ATP9B: variants seen among roughly 807,000 people sequenced by gnomAD.
ATP9B encodes the protein ATPase phospholipid transporting 9B.
Under a neutral mutation model 146.1 loss-of-function variants are expected in ATP9B, and 110 were observed. That is an observed-to-expected ratio of 0.75 (90% confidence interval 0.65 to 0.88). The LOEUF is 0.88. ATP9B is among the 40% of genes least tolerant of loss of function. The probability of loss-of-function intolerance (pLI) is 0.00; values close to 1 mark genes in which losing one functional copy is unlikely to be tolerated. For synonymous variants in ATP9B, 604 were observed against 569.7 expected, an observed-to-expected ratio of 1.06 and a Z score of -0.86; for missense variants, 1,499 against 1,496.4, an observed-to-expected ratio of 1.00 and a Z score of -0.03.
intron 26 of ATP9B, among the ~76,000 whole-genome samples, chr18:79,365,177 C>T (rs1217160370): frequency 6.6e-6 from 1 of 152,066 alleles, no homozygotes; most frequent in Non-Finnish European, 1.5e-5. Context: ...AGAGAACAAC[C>T]CAGTTTTTAA....
At chr18:79,148,405 A>G (rs1361048236) in intron 6 of ATP9B, among the ~76,000 whole-genome samples, 1 of 152,176 alleles carries the variant, frequency 6.6e-6, no homozygotes, top group Non-Finnish European at 1.5e-5. Context: ...ATACATCACA[A>G]CCCAGTACAG....
chr18:79,078,568 T>G (rs2072885516), intron 1 of ATP9B, among the ~76,000 whole-genome samples: 1 of 118,022 alleles, frequency 8.5e-6, no homozygotes, highest in South Asian at 2.4e-4. Context: ...ATTTACTCTT[T>G]TTTATTTTAA....
At chr18:79,255,435 C>T (rs1042004957) in intron 12 of ATP9B, among the ~76,000 whole-genome samples, 5 of 152,232 alleles carry the variant, frequency 3.3e-5, no homozygotes, top group Admixed American at 2.0e-4. Flanking sequence ...TTTGATGCCA[C>T]CCACTCCCCA....
chr18:79,106,146 TTGA>T (rs1272279505), intron 2 of ATP9B, among the ~76,000 whole-genome samples: 10 of 152,212 alleles, frequency 6.6e-5, no homozygotes, highest in African/African-American at 2.2e-4. Flanking sequence ...TCAGCTGGAC[TTGA>T]TGATGTAAGG....
chr18:79,354,661 C>G (rs892012113), intron 25 of ATP9B: 1 of 151,564 alleles, frequency 6.6e-6, no homozygotes, highest in Non-Finnish European at 1.5e-5. Context: ...ATGGGTTCCT[C>G]CCTGCTCCTT....
At chr18:79,146,031 C>A in intron 6 of ATP9B, 1 of 117,194 alleles carries the variant, frequency 8.5e-6, no homozygotes, top group Non-Finnish European at 1.6e-5. Context: ...AGCTGCATGT[C>A]GGGGGAGCTG....
At chr18:79,157,410 A>AAAAAAACAAAC (rs1600014727) in intron 7 of ATP9B, among the ~76,000 whole-genome samples, 2 of 145,896 alleles carry the variant, frequency 1.4e-5, no homozygotes, top group Non-Finnish European at 3.1e-5. Context: ...AAAAAAAAAA[A>AAAAAAACAAAC]AAAAAAAAAA....
chr18:79,084,735 T>C (rs2073639630), intron 1 of ATP9B, among the ~76,000 whole-genome samples: 1 of 152,226 alleles, frequency 6.6e-6, no homozygotes, highest in African/African-American at 2.4e-5. Context: ...TGCTCTTATG[T>C]ATAAATAATT....
intron 13 of ATP9B, among the ~76,000 whole-genome samples, chr18:79,296,862 A>C (rs1401394378): frequency 1.3e-5 from 2 of 152,206 alleles, no homozygotes; most frequent in East Asian, 3.8e-4. Flanking sequence ...TCAGCAGCTA[A>C]AGACCCAGAG....
intron 6 of ATP9B, among the ~76,000 whole-genome samples, chr18:79,153,826 T>C (rs980143074): frequency 6.6e-6 from 1 of 151,978 alleles, no homozygotes; most frequent in East Asian, 1.9e-4. Context: ...TTTTAAACTT[T>C]TTGTAGAGGT....
chr18:79,084,203 GTCAGTGTTTGAACATGT>G (rs1374157823), intron 1 of ATP9B, among the ~76,000 whole-genome samples: 1 of 151,498 alleles, frequency 6.6e-6, no homozygotes, highest in Non-Finnish European at 1.5e-5. Flanking sequence ...ACTCACCAAA[GTCAGTGTTTGAACATGT>G]TCATCATGTC....
intron 1 of ATP9B, among the ~76,000 whole-genome samples, chr18:79,094,867 GGTT>G (rs1184819636): frequency 6.6e-6 from 1 of 152,150 alleles, no homozygotes; most frequent in Non-Finnish European, 1.5e-5. Context: ...AAATATGACA[GGTT>G]GTGATCAGAA....
chr18:79,303,593 C>T lies in ATP9B; in HGVS notation c.1412-11C>T, dbSNP rs747948441. 6.2e-7 allele frequency: 1 copy of T among 1,611,874 alleles called. No homozygotes were observed. Among genetic ancestry groups the T allele is most frequent in the Admixed American group, 1.7e-5 (1 of 59,972 alleles). ...GCATTAATGTGTTTGCTGTTGTCCCCTTTATCCTAGGAACCCTCACCCAGA... is the reference window on the plus strand; with the variant it reads ...GCATTAATGTGTTTGCTGTTGTCCCTTTTATCCTAGGAACCCTCACCCAGA... On this transcript the variant is annotated splice_polypyrimidine_tract_variant and intron_variant, in intron 13 of 29. Transcript: ENST00000426216.
chr18:79,198,034 A>G (rs1279655359), intron 9 of ATP9B, among the ~76,000 whole-genome samples: 1 of 152,228 alleles, frequency 6.6e-6, no homozygotes, highest in Non-Finnish European at 1.5e-5. Context: ...ATTTTTCAAA[A>G]TCTCATGGAA....
At chr18:79,301,301 G>A (rs1227284977) in intron 13 of ATP9B, among the ~76,000 whole-genome samples, 1 of 152,184 alleles carries the variant, frequency 6.6e-6, no homozygotes, top group Non-Finnish European at 1.5e-5. Context: ...AGACCAGCCT[G>A]GCCAACATGG....
intron 17 of ATP9B, among the ~76,000 whole-genome samples, chr18:79,335,816 T>G (rs937824533): frequency 1.3e-5 from 2 of 152,258 alleles, no homozygotes; most frequent in Non-Finnish European, 2.9e-5. Flanking sequence ...AACACTCTTA[T>G]GAGCCCATTT....
intron 11 of ATP9B, among the ~76,000 whole-genome samples, chr18:79,225,256 G>T (rs933014223): frequency 1.3e-5 from 2 of 152,052 alleles, no homozygotes; most frequent in Non-Finnish European, 2.9e-5. Context: ...TGTACCAAAC[G>T]CTCTCTTTTA....
intron 11 of ATP9B, among the ~76,000 whole-genome samples, chr18:79,226,243 T>G (rs937174164): frequency 6.6e-6 from 1 of 152,226 alleles, no homozygotes; most frequent in African/African-American, 2.4e-5. Context: ...CTTCAAAAGA[T>G]TCCCATTGCT....
At chr18:79,310,963 CA>C (rs1374370997) in intron 15 of ATP9B, among the ~76,000 whole-genome samples, 1 of 151,726 alleles carries the variant, frequency 6.6e-6, no homozygotes, top group Non-Finnish European at 1.5e-5. Context: ...CCAGCCTGGC[CA>C]ACATGGCGAA....
Sources: gnomAD v4.1 joint callset for allele counts (sites outside exome capture counted in the v4.1 genomes callset) on GRCh38, gnomAD v4.1.1 for gene constraint, MANE v1.5 for transcripts, NCBI Gene and HGNC (gene_info 2026-07-23, HGNC 2026-07-21) for gene names.